Variants in ATXN7L1 observed in about 807,000 individuals in gnomAD.
ATXN7L1 encodes ataxin 7 like 1.
Under a neutral mutation model 70.8 loss-of-function variants are expected in ATXN7L1, and 15 were observed. The ratio of observed to expected loss-of-function variants is 0.21; its 90% CI spans 0.14 to 0.33. ATXN7L1 has a LOEUF of 0.33. Among genes scored for constraint, ATXN7L1 ranks in the 10% least tolerant of loss-of-function variants. The pLI is 1.00. For synonymous variants in ATXN7L1, 440 were observed against 445.1 expected (o/e 0.99, Z 0.14); for missense variants, 975 against 1,097.1 (o/e 0.89, Z 1.57).
At chr7:105,721,872 T>G (rs1795222459) in intron 3 of ATXN7L1, among the ~76,000 whole-genome samples, 1 of 152,186 alleles carries the variant, frequency 6.6e-6, no homozygotes, top group African/African-American at 2.4e-5. Context: ...TTGAGAAATT[T>G]TGACATGAAT....
In ATXN7L1 at chr7:105,644,604, C is replaced by T. The variant is rs139087533; in HGVS notation, c.579-1483G>A. ...TTTAATGGCAATTCTCAAAGCACTC[C>T]CATATCACTGAAGAATGGCACAAGA... On this transcript the variant is annotated intron_variant, in intron 4 of 11. Coordinates refer to ENST00000419735, the MANE Select transcript of ATXN7L1 (RefSeq NM_020725.2). Among the ~76,000 whole-genome samples, 23 of 152,314 alleles carry T rather than the reference C, an allele frequency of 1.5e-4. 1 individual carries two copies. The highest frequency in any genetic ancestry group is 5.5e-4 in the African/African-American group (23 of 41,552).
intron 2 of ATXN7L1, among the ~76,000 whole-genome samples, chr7:105,790,954 C>T (rs939137571): frequency 6.6e-6 from 1 of 152,182 alleles, no homozygotes. Flanking sequence ...CCCTCAAACA[C>T]GATGGTTCCC....
intron 3 of ATXN7L1, among the ~76,000 whole-genome samples, chr7:105,742,888 C>T (rs960659553): frequency 1.3e-5 from 2 of 152,156 alleles, no homozygotes; most frequent in African/African-American, 4.8e-5. Context: ...CCTATAGCTT[C>T]CCTTGACGAG....
At chr7:105,807,391 C>T (rs929693219) in intron 2 of ATXN7L1, among the ~76,000 whole-genome samples, 1 of 152,250 alleles carries the variant, frequency 6.6e-6, no homozygotes, top group South Asian at 2.1e-4. Context: ...AAGAGCCTTT[C>T]ATTTCTTCCT....
chr7:105,830,380 C>T (rs957028073), intron 2 of ATXN7L1, among the ~76,000 whole-genome samples: 3 of 152,282 alleles, frequency 2.0e-5, no homozygotes, highest in African/African-American at 4.8e-5. Context: ...AAAACCACTG[C>T]CCCATACCTG....
intron 2 of ATXN7L1, among the ~76,000 whole-genome samples, chr7:105,821,435 T>A (rs1302904677): frequency 2.6e-5 from 4 of 152,240 alleles, no homozygotes; most frequent in Admixed American, 2.6e-4. Flanking sequence ...TGCTTTAAGA[T>A]CCTGTGCAGT....
chr7:105,809,925 C>T (rs1808182072), intron 2 of ATXN7L1, among the ~76,000 whole-genome samples: 1 of 152,086 alleles, frequency 6.6e-6, no homozygotes, highest in Non-Finnish European at 1.5e-5. Flanking sequence ...CACATGCCAC[C>T]ACATCCACCT....
At chr7:105,754,182 T>C (rs968570001) in intron 3 of ATXN7L1, among the ~76,000 whole-genome samples, 3 of 152,098 alleles carry the variant, frequency 2.0e-5, no homozygotes, top group Non-Finnish European at 4.4e-5. Context: ...CTGTTGAGGA[T>C]AGGCAGGCAC....
At chr7:105,656,406 T>A (rs545079236) in intron 4 of ATXN7L1, among the ~76,000 whole-genome samples, 1 of 152,246 alleles carries the variant, frequency 6.6e-6, no homozygotes, top group South Asian at 2.1e-4. Context: ...GACCTCTGGC[T>A]CCCACAGGGG....
rs1796939337 is a variant in ATXN7L1 at position 105,733,637 on chromosome 7, T to TCCATCCATCCATCCATCCAC, written c.355+54966_355+54967insGTGGATGGATGGATGGATGG. Reference sequence around the variant, plus strand: ...ATCCATCCATCCATCCATCCACCCATCCATCCATCCATCCATCCATCCATC... The same window carrying TCCATCCATCCATCCATCCAC: ...ATCCATCCATCCATCCATCCACCCATCCATCCATCCATCCATCCACCCATCCATCCATCCATCCATCCATC... On this transcript the variant is annotated intron_variant, in intron 3 of 11. Coordinates refer to ENST00000419735, the MANE Select transcript of ATXN7L1 (RefSeq NM_020725.2). Among the ~76,000 whole-genome samples, 12 of 83,454 alleles carry TCCATCCATCCATCCATCCAC rather than the reference T, an allele frequency of 1.4e-4. 2 individuals carry two copies. Among genetic ancestry groups the TCCATCCATCCATCCATCCAC allele is most frequent in the African/African-American group, 6.7e-4 (12 of 17,796 alleles). The allele number at this position is 83,454 out of a possible 152,430, so 54.7% of individuals were successfully genotyped here.
intron 3 of ATXN7L1, among the ~76,000 whole-genome samples, chr7:105,766,493 A>G (rs1801266401): frequency 6.6e-6 from 1 of 152,226 alleles, no homozygotes. Context: ...TCACAAACGT[A>G]TGATTCATTT....
intron 2 of ATXN7L1, among the ~76,000 whole-genome samples, chr7:105,872,757 A>G (rs1029715156): frequency 1.3e-5 from 2 of 152,144 alleles, no homozygotes; most frequent in Non-Finnish European, 2.9e-5. Context: ...TAGTTGTGTA[A>G]TATTATGAAA....
intron 2 of ATXN7L1, among the ~76,000 whole-genome samples, chr7:105,836,858 G>A (rs1197783926): frequency 1.3e-5 from 2 of 152,170 alleles, no homozygotes; most frequent in Non-Finnish European, 2.9e-5. Flanking sequence ...AGGAGTTTGA[G>A]ACCAGCCTGG....
chr7:105,801,983 CG>C (rs1358688156), intron 2 of ATXN7L1, among the ~76,000 whole-genome samples: 1 of 152,106 alleles, frequency 6.6e-6, no homozygotes, highest in African/African-American at 2.4e-5. Flanking sequence ...AATTTAGGTC[CG>C]GGGAAGGTTT....
intron 2 of ATXN7L1, among the ~76,000 whole-genome samples, chr7:105,806,668 C>T (rs1449550429): frequency 6.6e-6 from 1 of 151,956 alleles, no homozygotes; most frequent in Non-Finnish European, 1.5e-5. Flanking sequence ...ATTTGGGGAA[C>T]ACCAATAAAT....
rs71155469 is a variant in ATXN7L1 at position 105,671,104 on chromosome 7, C to CAAA, written c.356-5819_356-5817dup. Among the ~76,000 whole-genome samples the CAAA allele has an allele frequency of 4.0e-4, 36 of 89,698 alleles. 3 individuals are homozygous for CAAA. In the East Asian group the frequency reaches 7.6e-3, roughly 19 times the overall value. 58.8% of individuals were successfully genotyped at this position (89,698 alleles called of 152,430 possible). ...CCTGGGCGACAGCGAGACTACGTCT[C>CAAA]AAAAAAAAAAAAAAAAAAAAAAAAA... On this transcript the variant is annotated intron_variant, in intron 3 of 11. Coordinates refer to ENST00000419735, the MANE Select transcript of ATXN7L1 (RefSeq NM_020725.2).
At chr7:105,643,192 C>A in intron 4 of ATXN7L1, 71 bp from the exon 5 acceptor site, 1 of 1,404,732 alleles carries the variant, frequency 7.1e-7, no homozygotes, top group Admixed American at 2.9e-5. Flanking sequence ...GAACCATACC[C>A]GCTTATCATT....
At chr7:105,723,174 A>G (rs1308813774) in intron 3 of ATXN7L1, among the ~76,000 whole-genome samples, 1 of 152,210 alleles carries the variant, frequency 6.6e-6, no homozygotes, top group Admixed American at 6.5e-5. Context: ...AGGGGCTAAG[A>G]GGGCTCGGGG....
chr7:105,872,142 GC>G (rs1483414482), intron 2 of ATXN7L1, among the ~76,000 whole-genome samples: 6 of 152,076 alleles, frequency 3.9e-5, no homozygotes, highest in African/African-American at 1.4e-4. Flanking sequence ...ACAGGTGCGT[GC>G]CACCACGCCC....
Sources: gnomAD v4.1 joint callset for allele counts (sites outside exome capture counted in the v4.1 genomes callset) on GRCh38, gnomAD v4.1.1 for gene constraint, MANE v1.5 for transcripts, NCBI Gene and HGNC (gene_info 2026-07-23, HGNC 2026-07-21) for gene names.